REPS2: variants seen among roughly 807,000 people sequenced by gnomAD.
REPS2 encodes the protein RALBP1 associated Eps domain containing 2.
REPS2 carries 23 observed loss-of-function variants against 53.6 expected under a neutral mutation model. The ratio of observed to expected loss-of-function variants is 0.43; its 90% CI spans 0.31 to 0.61. REPS2 has a LOEUF of 0.61. REPS2 is among the 20% of genes least tolerant of loss of function. The pLI is 0.11. For missense variants in REPS2, 446 were observed against 534.9 expected (o/e 0.83, Z 1.64); for synonymous variants, 238 against 218.6 (o/e 1.09, Z -0.78).
chrX:17,182,912 T>C, the REPS2 span, among the ~76,000 whole-genome samples: 4 of 112,385 alleles, frequency 3.6e-5, no homozygotes, highest in South Asian at 1.5e-3. Flanking sequence ...AATGGCACAG[T>C]TGAAATTTGA....
Position 17,120,730 on chromosome X carries a change from C to G in REPS2, c.1579-13094C>G, listed in dbSNP as rs149740747. ...ATCTGTGACCTTTCATGGGCTGTCT[C>G]TCTGCCTATGTCAGGGGTTGGCAAA... On this transcript the variant is annotated intron_variant, in intron 14 of 17. Coordinates refer to ENST00000357277, the MANE Select transcript of REPS2 (RefSeq NM_004726.3). Among the ~76,000 whole-genome samples, 504 of 111,920 alleles carry G rather than the reference C, an allele frequency of 4.5e-3. 5 individuals are homozygous for G. The highest frequency in any genetic ancestry group is 0.015 in the African/African-American group (450 of 30,791).
At chrX:17,001,845 A>C (rs921487682) in intron 1 of REPS2, among the ~76,000 whole-genome samples, 19 of 111,629 alleles carry the variant, frequency 1.7e-4, no homozygotes, top group African/African-American at 6.2e-4. Context: ...GAAGAAGCAA[A>C]GGCAGAAACG....
In REPS2 at chrX:17,140,483, A is replaced by G. The variant is rs184087046; in HGVS notation, c.1914+1522A>G. 1.3e-4 allele frequency among the ~76,000 whole-genome samples: 14 copies of G among 111,038 alleles called. No individual in the cohort carries two copies. In the East Asian group the frequency reaches 3.1e-3, roughly 25 times the overall value. On this transcript the variant is annotated intron_variant, in intron 17 of 17. Transcript: ENST00000357277. ...AACATACAGGAAAGTTGAAAGAATCATAAGTGACTGCTTGTATAGACATCA... is the reference window on the plus strand; with the variant it reads ...AACATACAGGAAAGTTGAAAGAATCGTAAGTGACTGCTTGTATAGACATCA...
At chrX:17,165,030 T>TCCACCA in the REPS2 span, among the ~76,000 whole-genome samples, 1 of 105,161 alleles carries the variant, frequency 9.5e-6, no homozygotes, top group Non-Finnish European at 1.9e-5. Context: ...TCCTAGACAT[T>TCCACCA]CCACCACCAC....
chrX:16,952,623 G>A (rs966750669), intron 1 of REPS2, among the ~76,000 whole-genome samples: 3 of 112,070 alleles, frequency 2.7e-5, no homozygotes, highest in Non-Finnish European at 5.6e-5. Context: ...CTTTTCTGAA[G>A]GCTCTCTTCT....
At chrX:17,088,291 T>C (rs762285756) in intron 13 of REPS2, among the ~76,000 whole-genome samples, 1 of 111,897 alleles carries the variant, frequency 8.9e-6, no homozygotes, top group South Asian at 3.7e-4. Flanking sequence ...TGCATTTGTG[T>C]AAATGTAATA....
At chrX:17,138,559 A>T in intron 16 of REPS2, 1 of 177,106 alleles carries the variant, frequency 5.6e-6, no homozygotes, top group Non-Finnish European at 1.1e-5. Flanking sequence ...GTCAGGAAGA[A>T]ATACTTATTA....
At chrX:16,962,678 A>T (rs2060680435) in intron 1 of REPS2, among the ~76,000 whole-genome samples, 1 of 112,108 alleles carries the variant, frequency 8.9e-6, no homozygotes, top group Admixed American at 9.5e-5. Flanking sequence ...TCTTCTCCCC[A>T]CAAAGGTAAC....
At chrX:17,141,049 C>G (rs1033988114) in intron 17 of REPS2, among the ~76,000 whole-genome samples, 71 of 111,775 alleles carry the variant, frequency 6.4e-4, no homozygotes, top group Non-Finnish European at 1.0e-3. Context: ...GGATTACAGG[C>G]GTGAGCCACC....
chrX:17,175,302 G>A, the REPS2 span, among the ~76,000 whole-genome samples: 1 of 112,483 alleles, frequency 8.9e-6, no homozygotes, highest in Non-Finnish European at 1.9e-5. Flanking sequence ...CACATTAAAT[G>A]CATAACCTCA....
chrX:17,017,650 A>G (rs2061515864), intron 2 of REPS2, among the ~76,000 whole-genome samples: 1 of 112,044 alleles, frequency 8.9e-6, no homozygotes, highest in African/African-American at 3.2e-5. Flanking sequence ...TACTCTTTAC[A>G]TAATTTAAAA....
the REPS2 span, among the ~76,000 whole-genome samples, chrX:17,190,200 T>G: frequency 1.5e-4 from 17 of 111,847 alleles, no homozygotes; most frequent in Non-Finnish European, 2.8e-4. Flanking sequence ...GAAATAGAGT[T>G]CATTCTACTT....
intron 1 of REPS2, among the ~76,000 whole-genome samples, chrX:16,956,703 G>C (rs1043598119): frequency 7.2e-5 from 8 of 111,358 alleles, no homozygotes; most frequent in African/African-American, 2.6e-4. Flanking sequence ...TCCCGGCTCT[G>C]AGCTCTGCTC....
chrX:17,189,432 C>T, the REPS2 span, among the ~76,000 whole-genome samples: 1 of 109,656 alleles, frequency 9.1e-6, no homozygotes, highest in African/African-American at 3.3e-5. Flanking sequence ...ATTATAGGGG[C>T]CTTCCACCAC....
At chrX:17,000,126 A>G (rs1602636901) in intron 1 of REPS2, among the ~76,000 whole-genome samples, 3 of 109,997 alleles carry the variant, frequency 2.7e-5, no homozygotes, top group Admixed American at 9.7e-5. Flanking sequence ...TATCTGAACT[A>G]TGGCATCCAA....
At chrX:17,103,144 T>C (rs961387394) in intron 13 of REPS2, among the ~76,000 whole-genome samples, 3 of 111,998 alleles carry the variant, frequency 2.7e-5, no homozygotes, top group Admixed American at 9.5e-5. Context: ...TAATAAATAT[T>C]AGGGAGAGAA....
intron 9 of REPS2, among the ~76,000 whole-genome samples, chrX:17,064,705 C>T (rs2062203640): frequency 8.9e-6 from 1 of 111,781 alleles, no homozygotes; most frequent in Non-Finnish European, 1.9e-5. Flanking sequence ...ACAGTTGTTC[C>T]ACCATCTCTA....
intron 2 of REPS2, among the ~76,000 whole-genome samples, chrX:17,009,394 C>G (rs2061402265): frequency 9.1e-6 from 1 of 110,288 alleles, no homozygotes; most frequent in South Asian, 3.8e-4. Flanking sequence ...TCTTGAACTA[C>G]TGAGCTCAAG....
At chrX:17,101,272 C>T (rs1165337038) in intron 13 of REPS2, among the ~76,000 whole-genome samples, 4 of 109,331 alleles carry the variant, frequency 3.7e-5, no homozygotes, top group Non-Finnish European at 7.6e-5. Context: ...CTGTGTTAGC[C>T]AGGATGGTCT....
Sources: allele counts gnomAD v4.1 joint callset (sites outside exome capture counted in the v4.1 genomes callset), GRCh38; gene constraint gnomAD v4.1.1; transcripts MANE v1.5; gene names NCBI Gene and HGNC (gene_info 2026-07-23, HGNC 2026-07-21).